The following BMP2K variants were observed in gnomAD, a reference collection of about 807,000 sequenced individuals.
The protein encoded by BMP2K is BMP-2-inducible protein kinase.
BMP2K carries 74 observed loss-of-function variants against 116.0 expected under a neutral mutation model. The ratio of observed to expected loss-of-function variants is 0.64; its 90% CI spans 0.53 to 0.77. The LOEUF (loss-of-function observed/expected upper bound fraction) is 0.77. BMP2K is among the 30% of genes least tolerant of loss of function. The pLI is 0.00. For synonymous variants in BMP2K, 486 were observed against 502.5 expected (o/e 0.97, Z 0.44); for missense variants, 1,365 against 1,403.6 (o/e 0.97, Z 0.44).
rs982286024 is a variant in BMP2K, at chr4:78,910,530, T to C, written c.2063-80T>C. On this transcript the variant is annotated intron_variant, in intron 15 of 15. Transcript: ENST00000502613. The stretch of plus-strand genomic sequence containing the variant: ...CGTATGAGGGATTTGTAATGCCATG[T>C]GTAATACATATTAACATTTAGTGCA... 3 of 1,147,070 alleles carry C rather than the reference T, an allele frequency of 2.6e-6. No individual in the cohort carries two copies. The African/African-American group carries it at 4.7e-5, about 18-fold the overall frequency. The allele number at this position is 1,147,070 out of a possible 1,614,324, so 71.1% of individuals were successfully genotyped here.
chr4:78,782,217 G>A (rs938651703), intron 1 of BMP2K, among the ~76,000 whole-genome samples: 1 of 152,098 alleles, frequency 6.6e-6, no homozygotes, highest in Non-Finnish European at 1.5e-5. Flanking sequence ...CCTTTCTGTG[G>A]ACACTTGTAA....
chr4:78,809,940 T>C (rs982111508), intron 1 of BMP2K, among the ~76,000 whole-genome samples: 1 of 152,216 alleles, frequency 6.6e-6, no homozygotes, highest in Non-Finnish European at 1.5e-5. Flanking sequence ...AATTTTTTGT[T>C]GAAAATTGTA....
At chr4:78,799,536 A>T (rs1728466106) in intron 1 of BMP2K, among the ~76,000 whole-genome samples, 1 of 152,230 alleles carries the variant, frequency 6.6e-6, no homozygotes, top group Non-Finnish European at 1.5e-5. Context: ...TTTAGCTTAC[A>T]TACAAATGGA....
chr4:78,827,917 T>C (rs1729958667), intron 2 of BMP2K, among the ~76,000 whole-genome samples: 2 of 152,212 alleles, frequency 1.3e-5, no homozygotes, highest in African/African-American at 2.4e-5. Flanking sequence ...TCACTCCTTG[T>C]TGGTCAATTA....
At chr4:78,854,884 T>G (rs1295117948) in intron 7 of BMP2K, among the ~76,000 whole-genome samples, 7 of 152,032 alleles carry the variant, frequency 4.6e-5, no homozygotes, top group Non-Finnish European at 1.0e-4. Flanking sequence ...CAATCTTGTT[T>G]CCTCTATAAC....
intron 10 of BMP2K, among the ~76,000 whole-genome samples, chr4:78,869,031 G>A (rs1732203622): frequency 6.6e-6 from 1 of 152,194 alleles, no homozygotes; most frequent in South Asian, 2.1e-4. Context: ...GAGACTCTTT[G>A]TGGGGACTTT....
intron 1 of BMP2K, among the ~76,000 whole-genome samples, chr4:78,777,886 C>A (rs1015290385): frequency 6.6e-6 from 1 of 152,188 alleles, no homozygotes; most frequent in African/African-American, 2.4e-5. Context: ...GTGTACATAT[C>A]ATTGTTTCGT....
intron 3 of BMP2K, among the ~76,000 whole-genome samples, chr4:78,840,181 G>T (rs1395342459): frequency 6.6e-6 from 1 of 152,128 alleles, no homozygotes; most frequent in Non-Finnish European, 1.5e-5. Context: ...TGTTAGTGAT[G>T]AAATTTGGCA....
intron 10 of BMP2K, among the ~76,000 whole-genome samples, chr4:78,867,572 AT>A (rs1732118024): frequency 6.6e-6 from 1 of 152,198 alleles, no homozygotes; most frequent in South Asian, 2.1e-4. Context: ...CCCTTTAAAA[AT>A]AATACAAAAA....
At chr4:78,865,751 A>G in intron 10 of BMP2K, 31 bp downstream of exon 10, 1 of 1,606,236 alleles carries the variant, frequency 6.2e-7, no homozygotes, top group Non-Finnish European at 8.5e-7. Context: ...TCATCCTCTT[A>G]AAGGTTAATG....
chr4:78,896,941 A>T (rs940275633), intron 15 of BMP2K, among the ~76,000 whole-genome samples: 1 of 152,148 alleles, frequency 6.6e-6, no homozygotes, highest in Non-Finnish European at 1.5e-5. Flanking sequence ...ACACTGATTT[A>T]TGCTCCCACT....
At chr4:78,868,249 C>T (rs1022907379) in intron 10 of BMP2K, among the ~76,000 whole-genome samples, 11 of 151,934 alleles carry the variant, frequency 7.2e-5, no homozygotes, top group South Asian at 2.1e-4. Context: ...TCTTACATGG[C>T]GGCAACAAGA....
In BMP2K at chr4:78,826,101, G is replaced by T. The variant is rs770326963; in HGVS notation, c.243G>T (p.Met81Ile). The stretch of plus-strand genomic sequence containing the variant: ...GAATCCGATGTGCATTGAAGCGAAT[G>T]TATGTCAATAACATGCCAGACCTCA... ...HGGIRCALKR[M>I]YVNNMPDLNV... The change falls in exon 2 of 16, where the codon ATG (methionine) becomes ATT (isoleucine). Residue 81 changes from methionine to isoleucine, a missense_variant. Physicochemically the swap from Met to Ile is conservative, Grantham distance 10 (BLOSUM62 1). This residue lies in a region of BMP2K where 762 missense variants were observed against 756.7 expected (regional missense o/e 1.01). Coordinates refer to ENST00000502613, the MANE Select transcript of BMP2K (RefSeq NM_198892.2). 6.8e-6 allele frequency: 11 copies of T among 1,614,020 alleles called. No homozygotes were observed. Among genetic ancestry groups the T allele is most frequent in the Non-Finnish European group, 9.3e-6 (11 of 1,180,008 alleles).
At chr4:78,875,680 G>T (rs1732597399) in intron 13 of BMP2K, among the ~76,000 whole-genome samples, 2 of 152,176 alleles carry the variant, frequency 1.3e-5, no homozygotes, top group South Asian at 4.1e-4. Flanking sequence ...GTAAGGCTGG[G>T]TCGGCTGTCC....
At chr4:78,815,306 A>C (rs1729285020) in intron 1 of BMP2K, among the ~76,000 whole-genome samples, 1 of 152,198 alleles carries the variant, frequency 6.6e-6, no homozygotes, top group Admixed American at 6.5e-5. Context: ...AGTTAATGCC[A>C]AAAATATGTG....
intron 1 of BMP2K, among the ~76,000 whole-genome samples, chr4:78,798,615 C>CAT (rs1728415535): frequency 6.6e-6 from 1 of 152,176 alleles, no homozygotes; most frequent in Non-Finnish European, 1.5e-5. Flanking sequence ...GAAACTCCAA[C>CAT]GGATACTTGG....
intron 14 of BMP2K, among the ~76,000 whole-genome samples, chr4:78,880,524 T>A (rs1250998894): frequency 2.6e-5 from 4 of 152,208 alleles, no homozygotes; most frequent in African/African-American, 4.8e-5. Flanking sequence ...AAATTATTTT[T>A]AAAAAATGAA....
intron 12 of BMP2K, 28 bp downstream of exon 12, chr4:78,871,976 T>C (rs750463466): frequency 1.4e-6 from 2 of 1,476,638 alleles, no homozygotes; most frequent in Non-Finnish European, 1.9e-6. Context: ...TAGAGATTTC[T>C]CTGAGTATAC....
At chr4:78,879,037 A>G (rs570781265) in intron 14 of BMP2K, 146 bp downstream of exon 14, 29 of 1,435,088 alleles carry the variant, frequency 2.0e-5, no homozygotes, top group African/African-American at 2.9e-5. Context: ...TCTTATACAT[A>G]TACTATCAAA....
Sources: gnomAD v4.1 joint callset for allele counts (sites outside exome capture counted in the v4.1 genomes callset) on GRCh38, gnomAD v4.1.1 for gene constraint, gnomAD v4.1.1 regional missense constraint, MANE v1.5 for transcripts, NCBI Gene and HGNC (gene_info 2026-07-23, HGNC 2026-07-21) for gene names.